FGGY: variants seen among roughly 807,000 people sequenced by gnomAD.
The protein encoded by FGGY is FGGY carbohydrate kinase domain-containing protein.
A neutral mutation model predicts 71.3 loss-of-function variants in FGGY; 72 were observed. The ratio of observed to expected loss-of-function variants is 1.01; its 90% confidence interval spans 0.84 to 1.23. The LOEUF (loss-of-function observed/expected upper bound fraction) is 1.23, where lower values mean the gene tolerates loss of function less well. Ranked by LOEUF, FGGY falls within the 50% of genes most tolerant of loss-of-function variation. The pLI, the probability that FGGY is intolerant of heterozygous loss-of-function variation, is 0.00. For synonymous variants in FGGY, 251 were observed against 250.3 expected (o/e 1.00, Z -0.02); for missense variants, 668 against 682.3 (o/e 0.98, Z 0.23).
intron 7 of FGGY, among the ~76,000 whole-genome samples, chr1:59,544,879 G>C (rs1388026503): frequency 6.6e-6 from 1 of 152,162 alleles, no homozygotes; most frequent in African/African-American, 2.4e-5. Context: ...TGTACCATCT[G>C]GCTATTTTTC....
At chr1:59,343,970 A>C (rs918607458) in intron 3 of FGGY, among the ~76,000 whole-genome samples, 3 of 152,114 alleles carry the variant, frequency 2.0e-5, no homozygotes. Context: ...TCACCCACCC[A>C]CACATACACC....
At position 59,674,048 on chromosome 1, in the gene FGGY, T is replaced by C. The variant is rs2097409107; in HGVS notation, c.1427T>C (p.Val476Ala). Reference protein sequence around the residue: ...QMHADITGMPVVLSQEVESVL... With the variant: ...QMHADITGMPAVLSQEVESVL... ...GCCTTGTCCTGCGCAGGCATGCCTGTGGTCCTGTCGCAAGAGGTGGAGTCC... is the reference window on the plus strand; with the variant it reads ...GCCTTGTCCTGCGCAGGCATGCCTGCGGTCCTGTCGCAAGAGGTGGAGTCC... The change falls in exon 14 of 16, where the codon GTG becomes GCG. Residue 476 changes from valine to alanine, a missense_variant. Coordinates refer to ENST00000303721, the MANE Select transcript of FGGY (RefSeq NM_018291.5). The C allele has an allele frequency of 2.5e-6, 4 of 1,613,532 alleles. No individual in the cohort carries two copies. Among genetic ancestry groups the C allele is most frequent in the Non-Finnish European group, 3.4e-6 (4 of 1,179,806 alleles).
intron 6 of FGGY, among the ~76,000 whole-genome samples, chr1:59,491,069 T>TCTTTCTTTCCCTCCCTCCCTC (rs1570030721): frequency 1.3e-3 from 3 of 2,362 alleles, no homozygotes; most frequent in East Asian, 0.042. Context: ...CTTCCTTCCT[T>TCTTTCTTTCCCTCCCTCCCTC]CCTTCCTTCC....
chr1:59,561,114 G>T (rs1489078659), intron 8 of FGGY, among the ~76,000 whole-genome samples: 1 of 152,174 alleles, frequency 6.6e-6, no homozygotes, highest in African/African-American at 2.4e-5. Flanking sequence ...AGAAGAGTGG[G>T]CAAGTGGGAC....
intron 14 of FGGY, among the ~76,000 whole-genome samples, chr1:59,752,918 T>C (rs1015380087): frequency 3.9e-5 from 6 of 152,186 alleles, no homozygotes; most frequent in Non-Finnish European, 8.8e-5. Context: ...AAATGTGAAC[T>C]TTCATGGTTT....
intron 11 of FGGY, among the ~76,000 whole-genome samples, chr1:59,655,509 T>C (rs891397120): frequency 6.6e-5 from 10 of 151,848 alleles, no homozygotes; most frequent in African/African-American, 2.4e-4. Context: ...CTCCCACTTA[T>C]GAGTGAGAAC....
intron 7 of FGGY, among the ~76,000 whole-genome samples, chr1:59,517,457 G>A (rs2094695264): frequency 1.3e-5 from 2 of 151,618 alleles, no homozygotes; most frequent in African/African-American, 4.8e-5. Flanking sequence ...AGTAGAGACG[G>A]GGTTTCACCG....
At chr1:59,548,305 A>G (rs1326412213) in intron 7 of FGGY, among the ~76,000 whole-genome samples, 2 of 152,222 alleles carry the variant, frequency 1.3e-5, no homozygotes, top group Non-Finnish European at 2.9e-5. Flanking sequence ...ATTCAGGAAT[A>G]AGGAGAAAAG....
In FGGY at chr1:59,583,638, C is replaced by G. The variant is rs142688954; in HGVS notation, c.904-24165C>G. Among the ~76,000 whole-genome samples, 262 of 142,228 alleles carry G rather than the reference C, an allele frequency of 1.8e-3. 44 individuals are homozygous for G. Among genetic ancestry groups the G allele is most frequent in the African/African-American group, 7.0e-3 (254 of 36,154 alleles). 93.3% of individuals were successfully genotyped at this position (142,228 alleles called of 152,430 possible). A position where few individuals can be genotyped will look rare whatever the true frequency, so the allele number is the denominator to read the frequency against. ...GGGGCACACCTGAGGGGCATTTCCT[C>G]AATGGGAGAGCACCTTTGCCCTTCA... On this transcript the variant is annotated intron_variant, in intron 8 of 15. Transcript: ENST00000303721.
chr1:59,449,736 G>A (rs1256564167), intron 5 of FGGY, among the ~76,000 whole-genome samples: 1 of 152,078 alleles, frequency 6.6e-6, no homozygotes, highest in African/African-American at 2.4e-5. Context: ...ACTAAGGCAG[G>A]ATGATTGCTT....
intron 14 of FGGY, among the ~76,000 whole-genome samples, chr1:59,714,630 A>G (rs374640846): frequency 6.6e-6 from 1 of 152,172 alleles, no homozygotes; most frequent in Non-Finnish European, 1.5e-5. Flanking sequence ...AACCATTACT[A>G]TGTCTTCTCA....
At chr1:59,695,704 A>G (rs1178857823) in intron 14 of FGGY, among the ~76,000 whole-genome samples, 1 of 152,228 alleles carries the variant, frequency 6.6e-6, no homozygotes, top group African/African-American at 2.4e-5. Flanking sequence ...GCCTGATTCC[A>G]AAGCCCATTA....
chr1:59,414,140 G>T (rs1341201151), intron 5 of FGGY, among the ~76,000 whole-genome samples: 1 of 152,220 alleles, frequency 6.6e-6, no homozygotes, highest in Non-Finnish European at 1.5e-5. Context: ...TGAAACTTCA[G>T]GTTGACAGCC....
At chr1:59,704,490 A>G (rs556357874) in intron 14 of FGGY, among the ~76,000 whole-genome samples, 1 of 152,190 alleles carries the variant, frequency 6.6e-6, no homozygotes, top group South Asian at 2.1e-4. Context: ...ACATATATAT[A>G]CACATATATA....
In FGGY at chr1:59,423,723, C is replaced by T. The variant is rs755737794; in HGVS notation, c.555-33238C>T. On this transcript the variant is annotated intron_variant, in intron 5 of 15. Transcript: ENST00000303721. Reference sequence around the variant, plus strand: ...TCTCCGCATGCTTCTCCCACTCCACCCAGCTTCTGGCAGGTCATACTACCG... The same window carrying T: ...TCTCCGCATGCTTCTCCCACTCCACTCAGCTTCTGGCAGGTCATACTACCG... Among the ~76,000 whole-genome samples the T allele has an allele frequency of 2.1e-4, 32 of 152,316 alleles. No individual in the cohort carries two copies. The Middle Eastern group carries it at 0.01, about 49-fold the overall frequency.
chr1:59,396,034 G>A (rs1249892727), intron 5 of FGGY, among the ~76,000 whole-genome samples: 1 of 152,152 alleles, frequency 6.6e-6, no homozygotes, highest in East Asian at 1.9e-4. Flanking sequence ...AGCATGAGCA[G>A]CGTCACTTGG....
At chr1:59,591,095 A>G (rs1015833717) in intron 8 of FGGY, among the ~76,000 whole-genome samples, 1 of 152,228 alleles carries the variant, frequency 6.6e-6, no homozygotes, top group African/African-American at 2.4e-5. Flanking sequence ...GCAAAGTCTC[A>G]GGATACAAAA....
At chr1:59,750,656 A>C (rs1322432808) in intron 14 of FGGY, among the ~76,000 whole-genome samples, 1 of 152,176 alleles carries the variant, frequency 6.6e-6, no homozygotes, top group Non-Finnish European at 1.5e-5. Flanking sequence ...TGGGGGTTAC[A>C]CAGAATACCA....
chr1:59,667,140 A>G, intron 12 of FGGY, 143 bp from the exon 13 acceptor site: 4 of 1,065,062 alleles, frequency 3.8e-6, no homozygotes, highest in Non-Finnish European at 5.6e-6. Context: ...CATAGACAAC[A>G]TAATCTCTGT....
Sources: gnomAD v4.1 joint callset for allele counts (sites outside exome capture counted in the v4.1 genomes callset) on GRCh38, gnomAD v4.1.1 for gene constraint, MANE v1.5 for transcripts, NCBI Gene and HGNC (gene_info 2026-07-23, HGNC 2026-07-21) for gene names.